Variants in CELF4 observed in about 807,000 individuals in gnomAD.
CELF4 encodes the protein CUGBP Elav-like family member 4.
Under a neutral mutation model 59.9 loss-of-function variants are expected in CELF4, and 18 were observed. The observed-to-expected ratio is 0.30, with a 90% CI of 0.21 to 0.45. The LOEUF (loss-of-function observed/expected upper bound fraction) is 0.45. CELF4 is among the 20% of genes least tolerant of loss of function. The pLI, the probability that CELF4 is intolerant of heterozygous loss-of-function variation, is 1.00. For missense variants in CELF4, 456 were observed against 689.0 expected, an observed-to-expected ratio of 0.66 and a Z score of 3.79; for synonymous variants, 261 against 267.1, an observed-to-expected ratio of 0.98 and a Z score of 0.22.
At chr18:37,283,105 G>C (rs1602454847) in intron 3 of CELF4, among the ~76,000 whole-genome samples, 1 of 152,040 alleles carries the variant, frequency 6.6e-6, no homozygotes, top group Non-Finnish European at 1.5e-5. Flanking sequence ...TCCGGTCCTG[G>C]TGCTGTTTGA....
intron 2 of CELF4, among the ~76,000 whole-genome samples, chr18:37,383,592 C>T (rs1235425403): frequency 6.6e-6 from 1 of 152,192 alleles, no homozygotes; most frequent in Non-Finnish European, 1.5e-5. Flanking sequence ...ATATGCAGCC[C>T]CAGGAATTTT....
chr18:37,553,703 A>G (rs568213152), intron 1 of CELF4, among the ~76,000 whole-genome samples: 114 of 152,186 alleles, frequency 7.5e-4, no homozygotes, highest in Admixed American at 2.4e-3. Flanking sequence ...CCGGCTTGTC[A>G]AGTGAGGGAA....
intron 1 of CELF4, among the ~76,000 whole-genome samples, chr18:37,554,594 T>C (rs2099984228): frequency 6.6e-6 from 1 of 152,180 alleles, no homozygotes; most frequent in African/African-American, 2.4e-5. Flanking sequence ...GCCTGGACTC[T>C]AAGGCAGGCT....
At chr18:37,488,775 C>T (rs2099888765) in intron 1 of CELF4, among the ~76,000 whole-genome samples, 1 of 152,180 alleles carries the variant, frequency 6.6e-6, no homozygotes, top group Non-Finnish European at 1.5e-5. Flanking sequence ...AGAAATTCCT[C>T]CTGCCTCCCT....
At chr18:37,346,388 T>C (rs1164413218) in intron 2 of CELF4, among the ~76,000 whole-genome samples, 1 of 152,168 alleles carries the variant, frequency 6.6e-6, no homozygotes, top group African/African-American at 2.4e-5. Flanking sequence ...GGGGAATGAA[T>C]GCAGAGTGTG....
intron 1 of CELF4, among the ~76,000 whole-genome samples, chr18:37,542,322 T>C (rs74555690): frequency 0.011 from 1,728 of 152,380 alleles, 17 homozygotes; most frequent in South Asian, 0.026. Flanking sequence ...ACACTCGTTA[T>C]TGAGTGCTCG....
At chr18:37,255,956 T>C (rs2154287349) in intron 11 of CELF4, among the ~76,000 whole-genome samples, 1 of 152,288 alleles carries the variant, frequency 6.6e-6, no homozygotes, top group African/African-American at 2.4e-5. Flanking sequence ...TGGAAGAGTT[T>C]AGAGGTCCTC....
chr18:37,275,503 C>G (rs2093010475), intron 3 of CELF4: 1 of 492,692 alleles, frequency 2.0e-6, no homozygotes, highest in Non-Finnish European at 3.7e-6. Flanking sequence ...CAGGCAGGAG[C>G]TGGATCGCAG....
At chr18:37,375,381 A>G (rs2098956393) in intron 2 of CELF4, among the ~76,000 whole-genome samples, 1 of 152,120 alleles carries the variant, frequency 6.6e-6, no homozygotes, top group Non-Finnish European at 1.5e-5. Flanking sequence ...GGCAGCAGCT[A>G]GGTCACCACA....
chr18:37,365,924 T>C (rs1283657431), intron 2 of CELF4, among the ~76,000 whole-genome samples: 2 of 152,120 alleles, frequency 1.3e-5, no homozygotes, highest in Non-Finnish European at 2.9e-5. Context: ...AAATAATCAA[T>C]TGAGTGATCA....
At chr18:37,283,584 G>T (rs554172720) in intron 3 of CELF4, among the ~76,000 whole-genome samples, 8 of 152,288 alleles carry the variant, frequency 5.3e-5, no homozygotes, top group African/African-American at 1.9e-4. Flanking sequence ...TTTGCTCAAT[G>T]AGCATTGGGG....
intron 1 of CELF4, among the ~76,000 whole-genome samples, chr18:37,523,571 G>A (rs2099960112): frequency 6.6e-6 from 1 of 152,180 alleles, no homozygotes; most frequent in Admixed American, 6.5e-5. Flanking sequence ...TCGGGCCCAT[G>A]CTTGCCTCTG....
At chr18:37,313,608 C>T (rs370525404) in intron 3 of CELF4, among the ~76,000 whole-genome samples, 4 of 152,264 alleles carry the variant, frequency 2.6e-5, no homozygotes, top group African/African-American at 4.8e-5. Context: ...CCTGTCCCAC[C>T]GCAGCCACTG....
At chr18:37,500,136 C>T (rs1312804012) in intron 1 of CELF4, among the ~76,000 whole-genome samples, 1 of 152,122 alleles carries the variant, frequency 6.6e-6, no homozygotes, top group Non-Finnish European at 1.5e-5. Flanking sequence ...GGCTGTGCAC[C>T]AAATGGAAGG....
intron 2 of CELF4, among the ~76,000 whole-genome samples, chr18:37,465,320 C>T (rs2099805007): frequency 6.6e-6 from 1 of 152,154 alleles, no homozygotes. Flanking sequence ...ATCAACCACC[C>T]ATCAGATTGC....
At chr18:37,494,856 C>G (rs1257958538) in intron 1 of CELF4, among the ~76,000 whole-genome samples, 1 of 152,168 alleles carries the variant, frequency 6.6e-6, no homozygotes, top group East Asian at 1.9e-4. Context: ...CCCTCCCCAC[C>G]CCCAATCCTG....
rs16968937 is a variant in CELF4 at position 37,433,221 on chromosome 18, A to T, written c.369+52304T>A. Among the ~76,000 whole-genome samples the T allele has an allele frequency of 5.3e-3, 802 of 152,258 alleles. 7 individuals carry two copies. Among genetic ancestry groups the T allele is most frequent in the African/African-American group, 0.018 (755 of 41,532 alleles). ...GGAACGTGAGAGCCAGAAAGCACTTATGGGATCATTTGGGCCCACCCCTTT... is the reference window on the plus strand; with the variant it reads ...GGAACGTGAGAGCCAGAAAGCACTTTTGGGATCATTTGGGCCCACCCCTTT... On this transcript the variant is annotated intron_variant, in intron 2 of 12. Coordinates refer to ENST00000420428, the MANE Select transcript of CELF4 (RefSeq NM_020180.4).
chr18:37,455,627 G>T (rs1199319487), intron 2 of CELF4, among the ~76,000 whole-genome samples: 2 of 152,222 alleles, frequency 1.3e-5, no homozygotes, highest in African/African-American at 4.8e-5. Context: ...CACAGAATGT[G>T]AGCATGGGCA....
chr18:37,416,231 T>C (rs7505526), intron 2 of CELF4, among the ~76,000 whole-genome samples: 5 of 151,432 alleles, frequency 3.3e-5, no homozygotes, highest in African/African-American at 4.9e-5. Context: ...TCCATTCATC[T>C]ATCCATCCAT....
Sources: gnomAD v4.1 joint callset for allele counts (sites outside exome capture counted in the v4.1 genomes callset) on GRCh38, gnomAD v4.1.1 for gene constraint, MANE v1.5 for transcripts, NCBI Gene and HGNC (gene_info 2026-07-23, HGNC 2026-07-21) for gene names.